The following GRIK2 variants were observed in gnomAD, a reference collection of about 807,000 sequenced individuals.
GRIK2 encodes the protein glutamate receptor ionotropic, kainate 2.
A neutral mutation model predicts 100.3 loss-of-function variants in GRIK2; 32 were observed. The ratio of observed to expected loss-of-function variants is 0.32; its 90% CI spans 0.24 to 0.43. The LOEUF (loss-of-function observed/expected upper bound fraction) is 0.43. Among genes scored for constraint, GRIK2 ranks in the 20% least tolerant of loss-of-function variants. GRIK2 has a pLI of 1.00. For synonymous variants in GRIK2, 417 were observed against 389.4 expected, an observed-to-expected ratio of 1.07 and a Z score of -0.83; for missense variants, 843 against 1,114.9, an observed-to-expected ratio of 0.76 and a Z score of 3.47.
At chr6:101,504,119 T>C (rs1211916948) in intron 2 of GRIK2, among the ~76,000 whole-genome samples, 2 of 152,162 alleles carry the variant, frequency 1.3e-5, no homozygotes, top group Non-Finnish European at 2.9e-5. Context: ...ATATTCTAAA[T>C]TGCATATTTA....
At position 102,069,136 on chromosome 6, in the gene GRIK2, AT is replaced by A. The variant is rs199963491; in HGVS notation, c.*636del. On this transcript the variant is annotated 3_prime_UTR_variant, in exon 17 of 17. Coordinates refer to ENST00000369134, the MANE Select transcript of GRIK2 (RefSeq NM_021956.5). Reference sequence around the variant, plus strand: ...ACTTATTTTCCTTTTTTCTTTTCTTATTTTTTTTTTTGACAGTCTGTGTCAC... The same window carrying A: ...ACTTATTTTCCTTTTTTCTTTTCTTATTTTTTTTTTGACAGTCTGTGTCAC... The A allele has an allele frequency of 0.019, 2,712 of 144,694 alleles. 60 individuals carry two copies. Among genetic ancestry groups the A allele is most frequent in the East Asian group, 0.075 (374 of 4,960 alleles). 9.0% of individuals were successfully genotyped at this position (144,694 alleles called of 1,614,324 possible).
chr6:101,990,229 G>T (rs1024619424), intron 14 of GRIK2, among the ~76,000 whole-genome samples: 12 of 151,604 alleles, frequency 7.9e-5, no homozygotes, highest in African/African-American at 2.7e-4. Context: ...CACTTTACAG[G>T]CATTTTTTCT....
At chr6:101,656,110 T>G (rs1368841810) in intron 4 of GRIK2, among the ~76,000 whole-genome samples, 1 of 151,750 alleles carries the variant, frequency 6.6e-6, no homozygotes, top group African/African-American at 2.4e-5. Flanking sequence ...TGAGACCAGC[T>G]TGGCCAAAAT....
rs541944210 is a variant in GRIK2 at position 101,624,809 on chromosome 6, G to A, written c.284-1571G>A. Among the ~76,000 whole-genome samples, 10 of 152,166 alleles carry A rather than the reference G, an allele frequency of 6.6e-5. No individual in the cohort carries two copies. The South Asian group carries it at 1.9e-3, about 28-fold the overall frequency. On this transcript the variant is annotated intron_variant, in intron 3 of 16. Transcript: ENST00000369134. ...AGGAGTGGCACCATCATGGCTCACT[G>A]CAACCTCAATGTCCCAGGCTCAAGT...
chr6:101,447,123 T>C (rs1770426544), intron 2 of GRIK2, among the ~76,000 whole-genome samples: 1 of 150,958 alleles, frequency 6.6e-6, no homozygotes, highest in Non-Finnish European at 1.5e-5. Context: ...GATATAAACA[T>C]TTACTTTAAT....
chr6:101,529,640 G>A (rs189474297), intron 2 of GRIK2, among the ~76,000 whole-genome samples: 6 of 151,984 alleles, frequency 3.9e-5, no homozygotes, highest in Non-Finnish European at 8.8e-5. Context: ...GCGAGGCATC[G>A]ATCCAACAAC....
chr6:101,592,795 T>C (rs1232051374), intron 2 of GRIK2, among the ~76,000 whole-genome samples: 2 of 151,080 alleles, frequency 1.3e-5, no homozygotes, highest in African/African-American at 4.9e-5. Context: ...CACTTAATTT[T>C]TAATGGCCAC....
chr6:101,477,033 T>G (rs1466089402), intron 2 of GRIK2, among the ~76,000 whole-genome samples: 1 of 152,210 alleles, frequency 6.6e-6, no homozygotes, highest in Non-Finnish European at 1.5e-5. Flanking sequence ...TTTTGTGCAT[T>G]TTTAAACTCT....
intron 10 of GRIK2, among the ~76,000 whole-genome samples, chr6:101,855,824 AG>A (rs11297492): frequency 1 from 151,790 of 152,192 alleles, 75,695 homozygotes; most frequent in Middle Eastern, 1. Flanking sequence ...GAATGGACTG[AG>A]GGGGGGCAGA....
At chr6:101,915,010 A>G (rs536752319) in intron 12 of GRIK2, among the ~76,000 whole-genome samples, 1 of 151,568 alleles carries the variant, frequency 6.6e-6, no homozygotes, top group Admixed American at 6.6e-5. Context: ...AGCCTTAACT[A>G]ACATCCTGCT....
At chr6:101,861,715 G>A (rs1784743561) in intron 11 of GRIK2, among the ~76,000 whole-genome samples, 1 of 151,950 alleles carries the variant, frequency 6.6e-6, no homozygotes, top group Admixed American at 6.6e-5. Context: ...AAACATTTTT[G>A]GACCTTCTTA....
At chr6:101,757,757 T>C (rs967980420) in intron 7 of GRIK2, among the ~76,000 whole-genome samples, 6 of 152,314 alleles carry the variant, frequency 3.9e-5, no homozygotes, top group African/African-American at 1.4e-4. Context: ...CAGGTACAGT[T>C]TGAAAAGTCT....
In GRIK2 at chr6:101,963,362, A is replaced by G. The variant is rs1241817621; in HGVS notation, c.2085+34730A>G. 1.8e-4 allele frequency among the ~76,000 whole-genome samples: 22 copies of G among 120,642 alleles called. No individual in the cohort carries two copies. The Admixed American group carries it at 2.4e-3, about 13-fold the overall frequency. 79.1% of individuals were successfully genotyped at this position (120,642 alleles called of 152,430 possible). On this transcript the variant is annotated intron_variant, in intron 14 of 16. Coordinates refer to ENST00000369134, the MANE Select transcript of GRIK2 (RefSeq NM_021956.5). ...GCCCAGGCTGGAGTGCAGTGGCACC[A>G]TCTCAGCTTACTGCAAGCTCTGCTT...
chr6:101,442,646 T>A (rs1158397904), intron 2 of GRIK2, among the ~76,000 whole-genome samples: 1 of 152,124 alleles, frequency 6.6e-6, no homozygotes, highest in Non-Finnish European at 1.5e-5. Context: ...AACCTAGACA[T>A]GGAGTTGGCA....
At chr6:101,985,398 A>G (rs920433656) in intron 14 of GRIK2, among the ~76,000 whole-genome samples, 1 of 151,774 alleles carries the variant, frequency 6.6e-6, no homozygotes, top group Non-Finnish European at 1.5e-5. Context: ...TTATCAATGT[A>G]GAGAAGTAGT....
At chr6:101,973,635 A>C (rs1385604553) in intron 14 of GRIK2, among the ~76,000 whole-genome samples, 1 of 151,926 alleles carries the variant, frequency 6.6e-6, no homozygotes, top group African/African-American at 2.4e-5. Flanking sequence ...AAGATTGTTT[A>C]TATTAAATGA....
intron 7 of GRIK2, among the ~76,000 whole-genome samples, chr6:101,747,271 T>A (rs932988113): frequency 1.3e-5 from 2 of 152,334 alleles, no homozygotes; most frequent in East Asian, 1.9e-4. Flanking sequence ...TCATGAATTC[T>A]AAAAATGGTT....
At chr6:101,519,585 T>G (rs1381772710) in intron 2 of GRIK2, among the ~76,000 whole-genome samples, 1 of 152,020 alleles carries the variant, frequency 6.6e-6, no homozygotes, top group Admixed American at 6.6e-5. Context: ...TATTTTCTAA[T>G]TAAGTCCCAG....
intron 2 of GRIK2, among the ~76,000 whole-genome samples, chr6:101,450,626 G>A (rs143296631): frequency 5.3e-5 from 8 of 151,654 alleles, no homozygotes; most frequent in South Asian, 2.1e-4. Flanking sequence ...GTAACTACTC[G>A]GTGTTTCCTG....
Sources: gnomAD v4.1 joint callset for allele counts (sites outside exome capture counted in the v4.1 genomes callset) on GRCh38, gnomAD v4.1.1 for gene constraint, MANE v1.5 for transcripts, NCBI Gene and HGNC (gene_info 2026-07-23, HGNC 2026-07-21) for gene names.